NMU: variants seen among roughly 807,000 people sequenced by gnomAD.
The protein encoded by NMU is neuromedin-U.
NMU carries 29 observed loss-of-function variants against 35.4 expected under a neutral mutation model. The observed-to-expected ratio is 0.82, with a 90% CI of 0.61 to 1.12. NMU has a LOEUF of 1.12. Among genes scored for constraint, NMU ranks in the 50% most tolerant of loss-of-function variants. The pLI, the probability that NMU is intolerant of heterozygous loss-of-function variation, is 0.00. For missense variants in NMU, 199 were observed against 206.2 expected (o/e 0.97, Z 0.21); for synonymous variants, 78 against 81.3 (o/e 0.96, Z 0.22).
intron 7 of NMU, among the ~76,000 whole-genome samples, chr4:55,602,545 G>A (rs977661004): frequency 6.6e-5 from 10 of 152,082 alleles, no homozygotes; most frequent in East Asian, 3.8e-4. Context: ...TGTAAATCAC[G>A]GCACTGAAAT....
At chr4:55,605,623 A>G (rs911402606) in intron 6 of NMU, among the ~76,000 whole-genome samples, 1 of 152,200 alleles carries the variant, frequency 6.6e-6, no homozygotes, top group African/African-American at 2.4e-5. Context: ...TCTCTTGTGA[A>G]CTGTCAGCAA....
chr4:55,628,865 T>A (rs1310082407), intron 2 of NMU, among the ~76,000 whole-genome samples: 2 of 152,134 alleles, frequency 1.3e-5, no homozygotes, highest in Admixed American at 6.6e-5. Context: ...AGCAGAATGC[T>A]TAGCTTATTA....
chr4:55,607,937 G>A (rs1175093960), intron 4 of NMU, among the ~76,000 whole-genome samples: 3 of 152,160 alleles, frequency 2.0e-5, no homozygotes, highest in African/African-American at 7.2e-5. Context: ...TTGGGAGCCC[G>A]AGGTGGGCGG....
rs569487665 is a variant in NMU, at chr4:55,633,048, G to C, written c.113-2588C>G. On this transcript the variant is annotated intron_variant, in intron 1 of 9. Transcript: ENST00000264218. ...TAGAAAACGACTAATATCCTGGCTG[G>C]GTGCAGTGGCTCACACCTGTAATCC... 2.2e-5 allele frequency among the ~76,000 whole-genome samples: 3 copies of C among 138,704 alleles called. No individual in the cohort carries two copies. In the South Asian group the frequency reaches 7.2e-4, roughly 33 times the overall value. 91.0% of individuals were successfully genotyped at this position (138,704 alleles called of 152,430 possible). A position where few individuals can be genotyped will look rare whatever the true frequency, so the allele number is the denominator to read the frequency against.
intron 3 of NMU, among the ~76,000 whole-genome samples, chr4:55,614,422 G>A (rs749580147): frequency 6.6e-6 from 1 of 152,026 alleles, no homozygotes; most frequent in Non-Finnish European, 1.5e-5. Flanking sequence ...TTGCTACTGG[G>A]TCTTATTAAC....
chr4:55,610,441 T>A (rs1172863296), intron 3 of NMU, among the ~76,000 whole-genome samples: 3 of 147,862 alleles, frequency 2.0e-5, no homozygotes, highest in Non-Finnish European at 3.0e-5. Flanking sequence ...CCAGCCTGGG[T>A]GATGGAGTGA....
intron 8 of NMU, 38 bp downstream of exon 8, chr4:55,600,484 G>C (rs1733378826): frequency 7.6e-7 from 1 of 1,312,244 alleles, no homozygotes; most frequent in Non-Finnish European, 1.1e-6. Context: ...TTAAATTTTG[G>C]TGTAGATTGA....
At chr4:55,604,869 CT>C (rs1733616585) in intron 7 of NMU, among the ~76,000 whole-genome samples, 1 of 151,680 alleles carries the variant, frequency 6.6e-6, no homozygotes, top group Non-Finnish European at 1.5e-5. Flanking sequence ...GAGCAGAAAG[CT>C]TGCCATCCTA....
In NMU at chr4:55,636,090, C is replaced by T; in HGVS notation, c.103G>A (p.Ala35Thr). The T allele has an allele frequency of 6.5e-7, 1 of 1,530,820 alleles. No individual in the cohort carries two copies. Among genetic ancestry groups the T allele is most frequent in the Non-Finnish European group, 8.7e-7 (1 of 1,145,100 alleles). 94.8% of individuals were successfully genotyped at this position (1,530,820 alleles called of 1,614,324 possible). ...TGCGGGGCCGTCTTACCTCGGCAGGCGCCCGCGCACCAGGCGAGCAGCAGC... is the reference window on the plus strand; with the variant it reads ...TGCGGGGCCGTCTTACCTCGGCAGGTGCCCGCGCACCAGGCGAGCAGCAGC... ...LLLLLAWCAGACRGAPILPQG... is the reference protein window; with the variant it reads ...LLLLLAWCAGTCRGAPILPQG... Residue 35 changes from alanine (A) to threonine (T), a missense_variant, in exon 1 of 10, where the codon GCC becomes ACC. Coordinates refer to ENST00000264218, the MANE Select transcript of NMU (RefSeq NM_006681.4). The surrounding 1 kb of genome is among the most constrained non-coding windows in gnomAD (Gnocchi z 4.0).
chr4:55,612,423 A>T (rs988616855), intron 3 of NMU, among the ~76,000 whole-genome samples: 5 of 152,178 alleles, frequency 3.3e-5, no homozygotes, highest in Admixed American at 6.5e-5. Context: ...AAAATGCTCC[A>T]CTTATGCTCA....
intron 5 of NMU, 42 bp from the exon 6 acceptor site, chr4:55,607,390 G>T: frequency 1.5e-6 from 2 of 1,364,050 alleles, no homozygotes; most frequent in East Asian, 2.3e-5. Context: ...AAAATTAATG[G>T]TTCCCTTATT....
intron 6 of NMU, 51 bp downstream of exon 6, chr4:55,607,247 A>G: frequency 7.3e-7 from 1 of 1,364,970 alleles, no homozygotes; most frequent in Non-Finnish European, 1.0e-6. Context: ...AAACAGTTTC[A>G]TTCTTTTAAA....
intron 7 of NMU, among the ~76,000 whole-genome samples, chr4:55,604,005 A>ACATG (rs1733557614): frequency 2.2e-5 from 1 of 46,330 alleles, no homozygotes; most frequent in Non-Finnish European, 4.6e-5. Flanking sequence ...ATACGTATAT[A>ACATG]TGTATATATG....
chr4:55,616,454 A>C, intron 2 of NMU, 69 bp from the exon 3 acceptor site: 1 of 1,157,954 alleles, frequency 8.6e-7, no homozygotes, highest in Non-Finnish European at 1.3e-6. Flanking sequence ...AGATTTTACA[A>C]AGTCACATTA....
intron 7 of NMU, among the ~76,000 whole-genome samples, chr4:55,601,813 C>A (rs921899856): frequency 6.6e-6 from 1 of 151,766 alleles, no homozygotes; most frequent in Non-Finnish European, 1.5e-5. Context: ...ATAGAGAGAC[C>A]TAGTCTCTAC....
At chr4:55,601,699 G>A (rs10018932) in intron 7 of NMU, among the ~76,000 whole-genome samples, 27,110 of 152,006 alleles carry the variant, frequency 0.18, 2,550 homozygotes, top group South Asian at 0.24. Flanking sequence ...TATAAGCAAC[G>A]TTCTCAGCTG....
chr4:55,635,123 GA>G (rs1715846185), intron 1 of NMU, among the ~76,000 whole-genome samples: 1 of 152,144 alleles, frequency 6.6e-6, no homozygotes, highest in South Asian at 2.1e-4. Context: ...GAAGCTAAGA[GA>G]ACCTTCTGCC....
At chr4:55,627,521 C>T (rs1382650075) in intron 2 of NMU, among the ~76,000 whole-genome samples, 1 of 151,780 alleles carries the variant, frequency 6.6e-6, no homozygotes, top group African/African-American at 2.4e-5. Flanking sequence ...GAGAGAATGT[C>T]GCTCCAAATA....
rs2110174694 is a variant in NMU at position 55,595,318 on chromosome 4, G to GGGATTTTCAACAC, written c.*97_*98insGTGTTGAAAATCC. Reference sequence around the variant, plus strand: ...ATTGACAACACAGGGATTTTCAACAGAGTACATTTAGCAAGGATTTTTTTC... The same window carrying GGGATTTTCAACAC: ...ATTGACAACACAGGGATTTTCAACAGGGATTTTCAACACAGTACATTTAGCAAGGATTTTTTTC... On this transcript the variant is annotated 3_prime_UTR_variant, in exon 10 of 10. Coordinates refer to ENST00000264218, the MANE Select transcript of NMU (RefSeq NM_006681.4). 1.3e-5 allele frequency: 2 copies of GGGATTTTCAACAC among 152,268 alleles called. No individual in the cohort carries two copies. The highest frequency in any genetic ancestry group is 2.9e-5 in the Non-Finnish European group (2 of 67,994). 9.4% of individuals were successfully genotyped at this position (152,268 alleles called of 1,614,324 possible). A position where few individuals can be genotyped will look rare whatever the true frequency, so the allele number is the denominator to read the frequency against.
Sources: gnomAD v4.1 joint callset for allele counts (sites outside exome capture counted in the v4.1 genomes callset) on GRCh38, gnomAD v4.1.1 for gene constraint, Gnocchi (gnomAD v3.1) non-coding constraint, MANE v1.5 for transcripts, NCBI Gene and HGNC (gene_info 2026-07-23, HGNC 2026-07-21) for gene names.